PCDH17: variants seen among roughly 807,000 people sequenced by gnomAD.
The protein encoded by PCDH17 is protocadherin 17.
Under a neutral mutation model 67.7 loss-of-function variants are expected in PCDH17, and 21 were observed. The ratio of observed to expected loss-of-function variants is 0.31; its 90% confidence interval spans 0.22 to 0.45. The LOEUF (loss-of-function observed/expected upper bound fraction) is 0.45, where lower values mean the gene tolerates loss of function less well. PCDH17 is among the 20% of genes least tolerant of loss of function. The probability of loss-of-function intolerance (pLI) is 1.00; values close to 1 mark genes in which losing one functional copy is unlikely to be tolerated. For synonymous variants in PCDH17, 701 were observed against 656.7 expected (o/e 1.07, Z -1.03); for missense variants, 1,471 against 1,564.8 (o/e 0.94, Z 1.01).
At chr13:57,684,127 A>G in intron 3 of PCDH17, among the ~76,000 whole-genome samples, 1 of 151,788 alleles carries the variant, frequency 6.6e-6, no homozygotes, top group East Asian at 1.9e-4. Context: ...TCTTTCTTTC[A>G]TTTTCACTGA....
chr13:57,711,029 T>C (rs1347099233), intron 3 of PCDH17, among the ~76,000 whole-genome samples: 10 of 152,038 alleles, frequency 6.6e-5, no homozygotes, highest in Admixed American at 6.6e-4. Context: ...TCTTCCTTGT[T>C]ACCCTTGAAT....
chr13:57,652,310 T>TA (rs1402369011), intron 1 of PCDH17, among the ~76,000 whole-genome samples: 1 of 148,996 alleles, frequency 6.7e-6, no homozygotes, highest in Non-Finnish European at 1.5e-5. Flanking sequence ...AAAGAACACT[T>TA]ACGACTATAA....
Position 57,724,716 on chromosome 13 carries a change from GA to G in PCDH17, c.2903del (p.Asp968ValfsTer23). 4 of 1,614,100 alleles carry G rather than the reference GA, an allele frequency of 2.5e-6. No individual in the cohort carries two copies. Among genetic ancestry groups the G allele is most frequent in the Non-Finnish European group, 3.4e-6 (4 of 1,179,986 alleles). On this transcript the variant is annotated frameshift_variant, in exon 4 of 4. Transcript: ENST00000377918. LOFTEE classifies it high-confidence loss of function. ...TGCAGCCAATCAGGCTGAAAATGCA[GA>G]TTACCGCACAAATCTCTTTGTACCT... ...FPAANQAENA[D>X]YRTNLFVPTV...
chr13:57,678,410 G>A (rs1170044429), intron 3 of PCDH17, among the ~76,000 whole-genome samples: 1 of 151,536 alleles, frequency 6.6e-6, no homozygotes, highest in Non-Finnish European at 1.5e-5. Flanking sequence ...GGAAGGATTG[G>A]ACTAGAAAAA....
At chr13:57,686,391 A>G (rs1462844520) in intron 3 of PCDH17, among the ~76,000 whole-genome samples, 1 of 152,072 alleles carries the variant, frequency 6.6e-6, no homozygotes, top group African/African-American at 2.4e-5. Context: ...GTAGGAAACC[A>G]TCAAAAATAT....
intron 3 of PCDH17, among the ~76,000 whole-genome samples, chr13:57,704,161 T>C (rs776351757): frequency 1.2e-4 from 19 of 152,130 alleles, no homozygotes; most frequent in Non-Finnish European, 2.5e-4. Flanking sequence ...TTGTAGTCTC[T>C]GAAATTTAAT....
chr13:57,712,507 T>A (rs1955785571), intron 3 of PCDH17, among the ~76,000 whole-genome samples: 1 of 151,742 alleles, frequency 6.6e-6, no homozygotes, highest in Non-Finnish European at 1.5e-5. Flanking sequence ...TTTATTTTTT[T>A]AATAATAGAG....
intron 3 of PCDH17, among the ~76,000 whole-genome samples, chr13:57,684,531 A>G (rs907615534): frequency 7.2e-5 from 11 of 151,938 alleles, no homozygotes; most frequent in Admixed American, 4.6e-4. Context: ...AACAATAGTT[A>G]ATAATGCATT....
chr13:57,658,154 CT>C (rs1955132584), intron 1 of PCDH17, among the ~76,000 whole-genome samples: 1 of 152,064 alleles, frequency 6.6e-6, no homozygotes, highest in African/African-American at 2.4e-5. Flanking sequence ...TAAGTATTAT[CT>C]ATTTAGATTA....
Position 57,692,738 on chromosome 13 carries a change from T to G in PCDH17, c.2797+25905T>G, listed in dbSNP as rs138707574. On this transcript the variant is annotated intron_variant, in intron 3 of 3. Coordinates refer to ENST00000377918, the MANE Select transcript of PCDH17 (RefSeq NM_001040429.3). Reference sequence around the variant, plus strand: ...TTTAGTCACCCTTTCAAGCCTTCCCTTTCAAAGGGGAGAAGAAAAGCTTGG... The same window carrying G: ...TTTAGTCACCCTTTCAAGCCTTCCCGTTCAAAGGGGAGAAGAAAAGCTTGG... Among the ~76,000 whole-genome samples the G allele has an allele frequency of 3.0e-3, 451 of 151,260 alleles. 2 individuals are homozygous for G. The highest frequency in any genetic ancestry group is 0.01 in the African/African-American group (416 of 41,490).
chr13:57,662,022 G>C (rs769027937), intron 1 of PCDH17, among the ~76,000 whole-genome samples: 7 of 152,026 alleles, frequency 4.6e-5, no homozygotes, highest in Non-Finnish European at 8.8e-5. Flanking sequence ...TTGAAACCCA[G>C]TTAATTTTTG....
At chr13:57,709,953 T>A (rs1955760567) in intron 3 of PCDH17, among the ~76,000 whole-genome samples, 1 of 151,938 alleles carries the variant, frequency 6.6e-6, no homozygotes, top group African/African-American at 2.4e-5. Flanking sequence ...AGCTGTATAG[T>A]GTTAACGGTT....
At chr13:57,682,961 G>A (rs1360270531) in intron 3 of PCDH17, among the ~76,000 whole-genome samples, 2 of 151,730 alleles carry the variant, frequency 1.3e-5, no homozygotes, top group African/African-American at 4.8e-5. Flanking sequence ...TTACCTCAGG[G>A]AACATACAAA....
intron 3 of PCDH17, among the ~76,000 whole-genome samples, chr13:57,699,149 T>C (rs1955639129): frequency 6.6e-6 from 1 of 152,012 alleles, no homozygotes; most frequent in Admixed American, 6.6e-5. Flanking sequence ...AGTATTTTAA[T>C]GTTTATGCAT....
At chr13:57,659,490 A>T (rs570168003) in intron 1 of PCDH17, among the ~76,000 whole-genome samples, 1 of 152,262 alleles carries the variant, frequency 6.6e-6, no homozygotes, top group Non-Finnish European at 1.5e-5. Context: ...TTTAAAAATT[A>T]AAAACTTATA....
chr13:57,633,842 C>G lies in PCDH17; in HGVS notation c.1296C>G (p.Arg432=). 1 of 1,612,848 alleles carries G rather than the reference C, an allele frequency of 6.2e-7. No individual in the cohort carries two copies. The highest frequency in any genetic ancestry group is 1.1e-5 in the South Asian group (1 of 91,086). Residue 432 remains arginine, a synonymous_variant, in exon 1 of 4, where the codon CGC becomes CGG. Transcript: ENST00000377918. This position sits in a 1 kb window ranked among gnomAD's most constrained non-coding sequence, Gnocchi z 6.2. ...TGGTGACTGACCGCCCGCTGGACCG[C>G]GAGACACAAGACGAGTACAACGTGA... is the stretch of plus-strand genomic sequence containing the variant. The part of the protein sequence containing the change: ...YTVVTDRPLD[R]ETQDEYNVTI...
chr13:57,632,601 A>C lies in PCDH17; in HGVS notation c.55A>C (p.Lys19Gln), dbSNP rs771452116. Residue 19 changes from lysine to glutamine, a missense_variant, in exon 1 of 4, where the codon AAG becomes CAG. By Grantham distance (53) the Lys-to-Gln change is moderately conservative (BLOSUM62 1). Around this residue, in one of 3 missense-constraint regions of PCDH17, gnomAD observed 1,163 missense variants for 1,230.0 expected, o/e 0.95. Transcript: ENST00000377918. ...TCTATGGGCCCCTGCCCTCACTCTC[A>C]AGAACCTCAACTACTCCGTGCCGGA... ...FLLWAPALTLKNLNYSVPEEQ... is the reference protein window; with the variant it reads ...FLLWAPALTLQNLNYSVPEEQ... 3 of 1,613,810 alleles carry C rather than the reference A, an allele frequency of 1.9e-6. No individual in the cohort carries two copies. Among genetic ancestry groups the C allele is most frequent in the Admixed American group, 1.7e-5 (1 of 60,014 alleles).
In PCDH17 at chr13:57,632,608, TC is replaced by T; in HGVS notation, c.63del (p.Asn22ThrfsTer13). The T allele has an allele frequency of 6.2e-7, 1 of 1,613,776 alleles. No individual in the cohort carries two copies. The highest frequency in any genetic ancestry group is 8.5e-7 in the Non-Finnish European group (1 of 1,179,936). ...LWAPALTLKN[L>X]NYSVPEEQGA... ...GCCCCTGCCCTCACTCTCAAGAACCTCAACTACTCCGTGCCGGAGGAGCAAG... is the reference window on the plus strand; with the variant it reads ...GCCCCTGCCCTCACTCTCAAGAACCTAACTACTCCGTGCCGGAGGAGCAAG... On this transcript the variant is annotated frameshift_variant, in exon 1 of 4. Coordinates refer to ENST00000377918, the MANE Select transcript of PCDH17 (RefSeq NM_001040429.3). LOFTEE classifies it high-confidence loss of function.
At chr13:57,708,664 A>T (rs1486500861) in intron 3 of PCDH17, among the ~76,000 whole-genome samples, 1 of 151,978 alleles carries the variant, frequency 6.6e-6, no homozygotes, top group Non-Finnish European at 1.5e-5. Context: ...GTGAGAAAAA[A>T]ACCATTTGAG....
Sources: gnomAD v4.1 joint callset for allele counts (sites outside exome capture counted in the v4.1 genomes callset) on GRCh38, gnomAD v4.1.1 for gene constraint, gnomAD v4.1.1 regional missense constraint, Gnocchi (gnomAD v3.1) non-coding constraint, MANE v1.5 for transcripts, NCBI Gene and HGNC (gene_info 2026-07-23, HGNC 2026-07-21) for gene names.